Variants in CHN2 observed in about 807,000 individuals in gnomAD.
CHN2 encodes the protein chimerin 2.
In CHN2, 35 loss-of-function variants were observed where a neutral mutation model predicts 56.3. The ratio of observed to expected loss-of-function variants is 0.62; its 90% CI spans 0.47 to 0.82. The LOEUF (loss-of-function observed/expected upper bound fraction) is 0.82. Among genes scored for constraint, CHN2 ranks in the 40% least tolerant of loss-of-function variants. The pLI is 0.00. For synonymous variants in CHN2, 210 were observed against 212.8 expected, an observed-to-expected ratio of 0.99 and a Z score of 0.12; for missense variants, 491 against 580.5, an observed-to-expected ratio of 0.85 and a Z score of 1.58.
At chr7:29,213,593 A>G (rs1785123220) in intron 1 of CHN2, among the ~76,000 whole-genome samples, 1 of 152,138 alleles carries the variant, frequency 6.6e-6, no homozygotes, top group South Asian at 2.1e-4. Context: ...GCATATTCCT[A>G]TTTTTTGGGA....
chr7:29,396,047 CAT>C (rs1482714119), intron 4 of CHN2, among the ~76,000 whole-genome samples: 35 of 152,182 alleles, frequency 2.3e-4, no homozygotes, highest in African/African-American at 6.5e-4. Context: ...CAAAATATCA[CAT>C]GTTCTCCATA....
At chr7:29,234,973 G>A (rs12700944) in intron 1 of CHN2, among the ~76,000 whole-genome samples, 57,806 of 151,656 alleles carry the variant, frequency 0.38, 11,135 homozygotes, top group East Asian at 0.54. Flanking sequence ...TACTGGTACA[G>A]TTCTATTAAT....
chr7:29,181,278 G>A (rs1798025755), intron 2 of CHN2: 1 of 152,152 alleles, frequency 6.6e-6, no homozygotes, highest in Non-Finnish European at 1.5e-5. Flanking sequence ...TACTCCAGCA[G>A]GCGTTACTCA....
chr7:29,293,008 G>C (rs1477854506), intron 1 of CHN2: 1 of 456,174 alleles, frequency 2.2e-6, no homozygotes, highest in Non-Finnish European at 4.4e-6. Flanking sequence ...CTCAGAGCCA[G>C]CCTCTGCATG....
chr7:29,389,531 T>A (rs997626619), intron 3 of CHN2, among the ~76,000 whole-genome samples: 1 of 152,152 alleles, frequency 6.6e-6, no homozygotes, highest in Non-Finnish European at 1.5e-5. Context: ...TCAACAAGCA[T>A]CTTGAAGTTT....
rs78441722 is a variant in CHN2, at chr7:29,410,219, G to A, written c.576+9391G>A. On this transcript the variant is annotated intron_variant, in intron 6 of 12. Coordinates refer to ENST00000222792, the MANE Select transcript of CHN2 (RefSeq NM_004067.4). Reference sequence around the variant, plus strand: ...AATGTTTAAAACAGGGTAGTGTCTTGTTTATATTTTAGTTGGGCTTAATCG... The same window carrying A: ...AATGTTTAAAACAGGGTAGTGTCTTATTTATATTTTAGTTGGGCTTAATCG... Among the ~76,000 whole-genome samples the A allele has an allele frequency of 6.3e-3, 966 of 152,234 alleles. 6 individuals are homozygous for A. Among genetic ancestry groups the A allele is most frequent in the Non-Finnish European group, 0.01 (692 of 68,012 alleles).
intron 3 of CHN2, among the ~76,000 whole-genome samples, chr7:29,378,825 TGTG>T (rs1209760095): frequency 6.6e-6 from 1 of 152,100 alleles, no homozygotes; most frequent in Non-Finnish European, 1.5e-5. Flanking sequence ...ATTAGCTGGG[TGTG>T]GTGGCACATG....
intron 2 of CHN2, among the ~76,000 whole-genome samples, chr7:29,156,566 C>G (rs184202261): frequency 3.9e-5 from 6 of 152,180 alleles, no homozygotes; most frequent in Admixed American, 1.3e-4. Flanking sequence ...TCTGAAGGAA[C>G]TCAGCTAAGG....
At chr7:29,391,440 GTTAAAT>G (rs2128072403) in intron 3 of CHN2, among the ~76,000 whole-genome samples, 1 of 152,164 alleles carries the variant, frequency 6.6e-6, no homozygotes, top group African/African-American at 2.4e-5. Context: ...AGGATGCCTA[GTTAAAT>G]TTAAATTTCA....
In CHN2 at chr7:29,401,016, G is replaced by A. The variant is rs559227720; in HGVS notation, c.576+188G>A. 9 of 614,184 alleles carry A rather than the reference G, an allele frequency of 1.5e-5. 2 individuals are homozygous for A. In the Admixed American group the frequency reaches 2.7e-4, roughly 18 times the overall value. The allele number at this position is 614,184 out of a possible 1,614,324, so 38.0% of individuals were successfully genotyped here. A position where few individuals can be genotyped will look rare whatever the true frequency, so the allele number is the denominator to read the frequency against. ...AGGCCGGGCGTGGTGGCTCATGCCT[G>A]TAATCTCTTTGGGAGGCCGAGGCAG... On this transcript the variant is annotated intron_variant, in intron 6 of 12. Transcript: ENST00000222792.
Position 29,298,340 on chromosome 7 carries a change from C to T in CHN2, c.50-56285C>T, listed in dbSNP as rs558905486. Among the ~76,000 whole-genome samples, 7 of 152,258 alleles carry T rather than the reference C, an allele frequency of 4.6e-5. No homozygotes were observed. In the East Asian group the frequency reaches 1.2e-3, roughly 25 times the overall value. On this transcript the variant is annotated intron_variant, in intron 1 of 12. Transcript: ENST00000222792. Reference sequence around the variant, plus strand: ...TCCAGTTTCCCCCGTCCCCCCTCCCCCGCGACCAGGGCTTTGACCCGAAGC... The same window carrying T: ...TCCAGTTTCCCCCGTCCCCCCTCCCTCGCGACCAGGGCTTTGACCCGAAGC...
intron 6 of CHN2, among the ~76,000 whole-genome samples, chr7:29,450,389 C>A (rs556575434): frequency 8.5e-5 from 13 of 152,270 alleles, no homozygotes; most frequent in Non-Finnish European, 1.3e-4. Flanking sequence ...CTTGGATAAT[C>A]TTTGTGGACC....
Position 29,500,006 on chromosome 7 carries a change from G to C in CHN2, c.879G>C (p.Val293=). 5 of 1,579,890 alleles carry C rather than the reference G, an allele frequency of 3.2e-6. No individual in the cohort carries two copies. The South Asian group carries it at 4.7e-5, about 15-fold the overall frequency. ...CTCACAACACTCAGAGACCCATGGT[G>C]GTAGACATATGCATTCGGGAAATTG... is the stretch of plus-strand genomic sequence containing the variant. ...VKAHNTQRPM[V]VDICIREIEA... is the part of the protein sequence containing the mutation. The change falls in exon 9 of 13, where the codon GTG becomes GTC. Residue 293 remains valine (V), a synonymous_variant. Coordinates refer to ENST00000222792, the MANE Select transcript of CHN2 (RefSeq NM_004067.4).
chr7:29,499,055 C>T (rs550696708), intron 8 of CHN2, among the ~76,000 whole-genome samples: 110 of 152,238 alleles, frequency 7.2e-4, no homozygotes, highest in Non-Finnish European at 1.5e-3. Flanking sequence ...CCACCACGCC[C>T]GGCCAACTGT....
chr7:29,416,530 G>A (rs1438941526), intron 6 of CHN2, among the ~76,000 whole-genome samples: 1 of 152,180 alleles, frequency 6.6e-6, no homozygotes, highest in East Asian at 1.9e-4. Flanking sequence ...TGAGAATCCT[G>A]TAGAAGGTTT....
intron 6 of CHN2, among the ~76,000 whole-genome samples, chr7:29,473,901 G>A (rs1244126029): frequency 6.6e-6 from 1 of 152,004 alleles, no homozygotes; most frequent in East Asian, 1.9e-4. Context: ...AATCTAATAA[G>A]AGTTTTATAA....
intron 6 of CHN2, among the ~76,000 whole-genome samples, chr7:29,449,788 A>G (rs955316638): frequency 4.6e-5 from 7 of 152,238 alleles, no homozygotes; most frequent in African/African-American, 1.7e-4. Context: ...AGGCAGGGGT[A>G]CAGATGTTCA....
chr7:29,366,167 T>A (rs1007012284), intron 2 of CHN2, among the ~76,000 whole-genome samples: 4 of 152,144 alleles, frequency 2.6e-5, no homozygotes, highest in African/African-American at 9.7e-5. Context: ...TCAGGAGGAA[T>A]CTGTAGGAAG....
chr7:29,161,476 A>C (rs1301141026), intron 2 of CHN2, among the ~76,000 whole-genome samples: 1 of 151,852 alleles, frequency 6.6e-6, no homozygotes, highest in African/African-American at 2.4e-5. Context: ...CGAACCCCAC[A>C]TTTTTGCCAG....
Sources: allele counts gnomAD v4.1 joint callset (sites outside exome capture counted in the v4.1 genomes callset), GRCh38; gene constraint gnomAD v4.1.1; transcripts MANE v1.5; gene names NCBI Gene and HGNC (gene_info 2026-07-23, HGNC 2026-07-21).